The following FAM241A variants were observed in gnomAD, a reference collection of about 807,000 sequenced individuals.
The protein encoded by FAM241A is family with sequence similarity 241 member A, also known as uncharacterized protein FAM241A.
In FAM241A, 7 loss-of-function variants were observed where a neutral mutation model predicts 12.2. The ratio of observed to expected loss-of-function variants is 0.58; its 90% CI spans 0.33 to 1.08. The LOEUF (loss-of-function observed/expected upper bound fraction) is 1.08. FAM241A is among the 50% of genes least tolerant of loss of function. The probability of loss-of-function intolerance (pLI) is 0.04; values close to 1 mark genes in which losing one functional copy is unlikely to be tolerated. For missense variants in FAM241A, 161 were observed against 169.7 expected (o/e 0.95, Z 0.29); for synonymous variants, 74 against 68.2 (o/e 1.08, Z -0.42).
rs1184706055 is a variant in FAM241A at position 112,193,779 on chromosome 4, C to T, written c.*6841C>T. Reference sequence around the variant, plus strand: ...TGTAGTATAGTTTGAAGTCAGGTAGCATGATGCCTCCAGCTTTGTTCTTTT... The same window carrying T: ...TGTAGTATAGTTTGAAGTCAGGTAGTATGATGCCTCCAGCTTTGTTCTTTT... On this transcript the variant is annotated 3_prime_UTR_variant, in exon 2 of 2. Coordinates refer to ENST00000309733, the MANE Select transcript of FAM241A (RefSeq NM_152400.3). 4 of 151,840 alleles carry T rather than the reference C, an allele frequency of 2.6e-5. No individual in the cohort carries two copies. Among genetic ancestry groups the T allele is most frequent in the Non-Finnish European group, 5.9e-5 (4 of 67,970 alleles). The allele number at this position is 151,840 out of a possible 1,614,324, so 9.4% of individuals were successfully genotyped here. A position where few individuals can be genotyped will look rare whatever the true frequency, so the allele number is the denominator to read the frequency against.
chr4:112,167,359 A>G (rs1318553257), intron 1 of FAM241A, among the ~76,000 whole-genome samples: 1 of 152,184 alleles, frequency 6.6e-6, no homozygotes, highest in East Asian at 1.9e-4. Context: ...CCAAAGAGAA[A>G]AAGGGAGATG....
chr4:112,182,297 C>T (rs879060681), intron 1 of FAM241A, among the ~76,000 whole-genome samples: 7 of 152,054 alleles, frequency 4.6e-5, no homozygotes, highest in Non-Finnish European at 7.4e-5. Flanking sequence ...ATAATTGAAT[C>T]GGATGACCTT....
intron 1 of FAM241A, among the ~76,000 whole-genome samples, chr4:112,164,314 C>T (rs1723548236): frequency 6.6e-6 from 1 of 150,608 alleles, no homozygotes; most frequent in African/African-American, 2.4e-5. Context: ...ATGGATGAAG[C>T]TGGATATCAT....
Position 112,179,914 on chromosome 4 carries a change from G to GACATATATATATATATATATATATATAT in FAM241A, c.154-6778_154-6777insCATATATATATATATATATATATATATA, listed in dbSNP as rs1479640205. Among the ~76,000 whole-genome samples the GACATATATATATATATATATATATATAT allele has an allele frequency of 1.3e-3, 150 of 117,670 alleles. 6 individuals carry two copies. The highest frequency in any genetic ancestry group is 2.4e-3 in the South Asian group (9 of 3,688). 77.2% of individuals were successfully genotyped at this position (117,670 alleles called of 152,430 possible). ...ATGGTGGATTGCATAAAGAAAATGT[G>GACATATATATATATATATATATATATAT]ATATATATATATATATATATATATG... On this transcript the variant is annotated intron_variant, in intron 1 of 1. Coordinates refer to ENST00000309733, the MANE Select transcript of FAM241A (RefSeq NM_152400.3).
chr4:112,171,118 A>C, intron 1 of FAM241A: 1 of 393,264 alleles, frequency 2.5e-6, no homozygotes, highest in Non-Finnish European at 4.8e-6. Context: ...ATAAAACAAG[A>C]AACTGTTATT....
Position 112,192,778 on chromosome 4 carries a change from G to A in FAM241A, c.*5840G>A. 1 of 151,384 alleles carries A rather than the reference G, an allele frequency of 6.6e-6. No homozygotes were observed. Among genetic ancestry groups the A allele is most frequent in the African/African-American group, 2.4e-5 (1 of 41,074 alleles). The allele number at this position is 151,384 out of a possible 1,614,324, so 9.4% of individuals were successfully genotyped here. On this transcript the variant is annotated 3_prime_UTR_variant, in exon 2 of 2. Coordinates refer to ENST00000309733, the MANE Select transcript of FAM241A (RefSeq NM_152400.3). ...ACATTTGGGTTGGTTCCAAGTCTTTGCTATTGTGAATAGTGCTGCAATAAA... is the reference window on the plus strand; with the variant it reads ...ACATTTGGGTTGGTTCCAAGTCTTTACTATTGTGAATAGTGCTGCAATAAA...
chr4:112,179,943 ATGTGTGTGTGTG>A (rs35177969), intron 1 of FAM241A, among the ~76,000 whole-genome samples: 4 of 129,500 alleles, frequency 3.1e-5, no homozygotes, highest in South Asian at 2.3e-4. Context: ...ATATATGTAT[ATGTGTGTGTGTG>A]TGTGTATATA....
intron 1 of FAM241A, among the ~76,000 whole-genome samples, chr4:112,162,645 C>T (rs1360441739): frequency 6.6e-6 from 1 of 152,094 alleles, no homozygotes; most frequent in East Asian, 1.9e-4. Flanking sequence ...AACCACTGCT[C>T]AACGAAATAA....
chr4:112,178,571 C>T (rs757083582), intron 1 of FAM241A, among the ~76,000 whole-genome samples: 6 of 152,096 alleles, frequency 3.9e-5, no homozygotes, highest in South Asian at 2.1e-4. Context: ...TTCTCAACAT[C>T]GGCCTTGGCA....
intron 1 of FAM241A, among the ~76,000 whole-genome samples, chr4:112,176,060 G>T (rs1349970706): frequency 2.6e-5 from 4 of 152,164 alleles, no homozygotes; most frequent in Non-Finnish European, 5.9e-5. Flanking sequence ...ATAGAATGTA[G>T]CTTGTGCCCT....
chr4:112,168,521 A>G (rs1389463293), intron 1 of FAM241A, among the ~76,000 whole-genome samples: 1 of 152,240 alleles, frequency 6.6e-6, no homozygotes, highest in East Asian at 1.9e-4. Flanking sequence ...TGGCATTTTC[A>G]TAACTTTTTG....
chr4:112,156,327 C>T (rs1365202739), intron 1 of FAM241A, among the ~76,000 whole-genome samples: 1 of 152,156 alleles, frequency 6.6e-6, no homozygotes, highest in African/African-American at 2.4e-5. Flanking sequence ...GAAAGTTCAG[C>T]TCTGACTACT....
rs1560589082 is a variant in FAM241A, at chr4:112,194,947, T to C, written c.*8009T>C. 6.6e-6 allele frequency: 1 copy of C among 152,256 alleles called. No individual in the cohort carries two copies. Among genetic ancestry groups the C allele is most frequent in the Non-Finnish European group, 1.5e-5 (1 of 68,110 alleles). The allele number at this position is 152,256 out of a possible 1,614,324, so 9.4% of individuals were successfully genotyped here. A position where few individuals can be genotyped will look rare whatever the true frequency, so the allele number is the denominator to read the frequency against. On this transcript the variant is annotated 3_prime_UTR_variant, in exon 2 of 2. Transcript: ENST00000309733. ...ACATGCTGGCATGCCTGTATTTTTG[T>C]ATTTTTAGTAGAGACGGGGTTTCAC...
intron 1 of FAM241A, among the ~76,000 whole-genome samples, chr4:112,168,377 G>A (rs1014538072): frequency 2.0e-5 from 3 of 152,018 alleles, no homozygotes; most frequent in African/African-American, 7.2e-5. Context: ...CATAAGAATG[G>A]TACAGCAGTG....
Position 112,186,839 on chromosome 4 carries a change from A to G in FAM241A, c.300A>G (p.Val100=), listed in dbSNP as rs977682754. The G allele has an allele frequency of 5.0e-6, 8 of 1,614,146 alleles. No homozygotes were observed. Among genetic ancestry groups the G allele is most frequent in the Non-Finnish European group, 6.8e-6 (8 of 1,179,994 alleles). The change falls in exon 2 of 2, where the codon GTA becomes GTG. Residue 100 remains valine, a synonymous_variant. Coordinates refer to ENST00000309733, the MANE Select transcript of FAM241A (RefSeq NM_152400.3). The part of the protein sequence containing the change: ...MYFGERIVEP[V]IVIFFWVMLW... ...TTGGAGAACGAATAGTGGAACCAGT[A>G]ATAGTCATTTTCTTTTGGGTTATGC...
chr4:112,163,918 G>A (rs1243288273), intron 1 of FAM241A, among the ~76,000 whole-genome samples: 2 of 152,310 alleles, frequency 1.3e-5, no homozygotes, highest in East Asian at 3.9e-4. Flanking sequence ...TGTACACCAT[G>A]GAATACTATG....
chr4:112,154,891 G>A (rs1156613829), intron 1 of FAM241A, among the ~76,000 whole-genome samples: 2 of 152,012 alleles, frequency 1.3e-5, no homozygotes, highest in East Asian at 1.9e-4. Flanking sequence ...AAAATCAGCC[G>A]GGTATGGTGG....
chr4:112,186,729 G>C lies in FAM241A; in HGVS notation c.190G>C (p.Val64Leu). ...CTCACAGAACCACACTGGTGAGCCG[G>C]TTGGAGATGACTACAAGAAAATGGG... ...EDSQNHTGEP[V>L]GDDYKKMGTL... The change falls in exon 2 of 2, where the codon GTT becomes CTT. Residue 64 changes from valine (V) to leucine (L), a missense_variant. By Grantham distance (32) the Val-to-Leu change is conservative (BLOSUM62 1). Transcript: ENST00000309733. 6.2e-7 allele frequency: 1 copy of C among 1,613,298 alleles called. No individual in the cohort carries two copies.
At chr4:112,169,062 A>G (rs924979147) in intron 1 of FAM241A, among the ~76,000 whole-genome samples, 2 of 152,254 alleles carry the variant, frequency 1.3e-5, no homozygotes, top group Non-Finnish European at 2.9e-5. Flanking sequence ...AATCTTCCAT[A>G]TAACTTTACC....
Sources: gnomAD v4.1 joint callset for allele counts (sites outside exome capture counted in the v4.1 genomes callset) on GRCh38, gnomAD v4.1.1 for gene constraint, MANE v1.5 for transcripts, NCBI Gene and HGNC (gene_info 2026-07-23, HGNC 2026-07-21) for gene names.